Variants in TMC3 observed in about 807,000 individuals in gnomAD.
TMC3 encodes the protein transmembrane channel-like protein 3.
Under a neutral mutation model 110.6 loss-of-function variants are expected in TMC3, and 98 were observed. That is an observed-to-expected ratio of 0.89 (90% confidence interval 0.75 to 1.05). The LOEUF (loss-of-function observed/expected upper bound fraction) is 1.05, where lower values mean the gene tolerates loss of function less well. Ranked by LOEUF, TMC3 falls within the 50% of genes least tolerant of loss-of-function variation. TMC3 has a pLI of 0.00. For synonymous variants in TMC3, 489 were observed against 513.1 expected (o/e 0.95, Z 0.63); for missense variants, 1,319 against 1,373.2 (o/e 0.96, Z 0.62).
At position 81,343,004 on chromosome 15, in the gene TMC3, C is replaced by T. The variant is rs552639597; in HGVS notation, c.1715+274G>A. 7 of 362,670 alleles carry T rather than the reference C, an allele frequency of 1.9e-5. 1 individual carries two copies. In the South Asian group the frequency reaches 3.4e-4, roughly 18 times the overall value. The allele number at this position is 362,670 out of a possible 1,614,324, so 22.5% of individuals were successfully genotyped here. On this transcript the variant is annotated intron_variant, in intron 15 of 21. Coordinates refer to ENST00000359440, the MANE Select transcript of TMC3 (RefSeq NM_001080532.3). ...TCCTTCCAGCCTTCCCCAAGTCCTC[C>T]CTAAGAGTGTATTCTACTGGTTTCT...
At chr15:81,336,573 A>C in intron 20 of TMC3, 36 bp downstream of exon 20, 1 of 1,608,628 alleles carries the variant, frequency 6.2e-7, no homozygotes, top group African/African-American at 1.3e-5. Flanking sequence ...GCCTCAAAAC[A>C]AAAAAACAAC....
rs1893500795 is a variant in TMC3 at position 81,332,911 on chromosome 15, G to C, written c.2811C>G (p.Pro937=). 6.2e-7 allele frequency: 1 copy of C among 1,613,000 alleles called. No individual in the cohort carries two copies. The highest frequency in any genetic ancestry group is 1.3e-5 in the African/African-American group (1 of 74,924). Residue 937 remains proline (P), a synonymous_variant, in exon 22 of 22, where the codon CCC becomes CCG. Transcript: ENST00000359440. ...CCTCTTCTTCACTCAGCTGTGGGGA[G>C]GGAGGCTGGCGGGGGACCCGGGATG... ...QYASRVPRQP[P]SPQLSEEEEE... is the part of the protein sequence containing the mutation.
chr15:81,356,438 C>T lies in TMC3; in HGVS notation c.891+9G>A. ...CACCCCCGCAGGCTGCACAGGCTCACTCACTCACCCTGATGCTGTTCACTA... is the reference window on the plus strand; with the variant it reads ...CACCCCCGCAGGCTGCACAGGCTCATTCACTCACCCTGATGCTGTTCACTA... On this transcript the variant is annotated intron_variant, in intron 8 of 21. Coordinates refer to ENST00000359440, the MANE Select transcript of TMC3 (RefSeq NM_001080532.3). 1 of 1,562,268 alleles carries T rather than the reference C, an allele frequency of 6.4e-7. No homozygotes were observed. Among genetic ancestry groups the T allele is most frequent in the Non-Finnish European group, 8.7e-7 (1 of 1,153,320 alleles).
chr15:81,344,741 G>C lies in TMC3; in HGVS notation c.1518+25C>G, dbSNP rs771524671. ...TAAGTGATGAGATGGATATGACAGAGCTTTGTAAGGGTAAAGAGAACCACC... is the reference window on the plus strand; with the variant it reads ...TAAGTGATGAGATGGATATGACAGACCTTTGTAAGGGTAAAGAGAACCACC... On this transcript the variant is annotated intron_variant, in intron 13 of 21. Coordinates refer to ENST00000359440, the MANE Select transcript of TMC3 (RefSeq NM_001080532.3). 26 of 1,610,564 alleles carry C rather than the reference G, an allele frequency of 1.6e-5. No homozygotes were observed. In the Admixed American group the frequency reaches 4.0e-4, roughly 25 times the overall value.
At position 81,349,481 on chromosome 15, in the gene TMC3, G is replaced by T; in HGVS notation, c.1170C>A (p.Thr390=). Residue 390 remains threonine, a synonymous_variant, in exon 11 of 22, where the codon ACC becomes ACA. Transcript: ENST00000359440. ...ACCTTGCAAGCTGGAAGCGCAGCGT[G>T]GTCCTGGGGTGGTACATCTCTAAGG... The part of the protein sequence containing the change: ...IAALEMYHPR[T]TLRFQLARVL... The T allele has an allele frequency of 6.5e-7, 1 of 1,538,546 alleles. No individual in the cohort carries two copies. Among genetic ancestry groups the T allele is most frequent in the South Asian group, 1.3e-5 (1 of 79,956 alleles).
intron 9 of TMC3, among the ~76,000 whole-genome samples, chr15:81,353,478 A>G (rs1893995373): frequency 6.6e-6 from 1 of 152,194 alleles, no homozygotes; most frequent in Admixed American, 6.5e-5. Flanking sequence ...AATTCATGGT[A>G]AGTTCCCTAT....
At chr15:81,346,633 AG>A (rs1416807395) in intron 11 of TMC3, among the ~76,000 whole-genome samples, 190 bp from the exon 12 acceptor site, 1 of 152,204 alleles carries the variant, frequency 6.6e-6, no homozygotes, top group Non-Finnish European at 1.5e-5. Context: ...TAGGTCTGGA[AG>A]GGGTCTGGAA....
intron 10 of TMC3, 125 bp from the exon 11 acceptor site, chr15:81,349,692 A>C: frequency 2.1e-6 from 1 of 474,972 alleles, no homozygotes; most frequent in Non-Finnish European, 3.5e-6. Flanking sequence ...TGGATCCTCC[A>C]TGGAAAATCC....
chr15:81,345,742 G>A (rs1263588640), intron 12 of TMC3, among the ~76,000 whole-genome samples: 1 of 152,118 alleles, frequency 6.6e-6, no homozygotes, highest in African/African-American at 2.4e-5. Flanking sequence ...ATGCAGCGGT[G>A]GCACGCAGCT....
intron 10 of TMC3, among the ~76,000 whole-genome samples, chr15:81,351,165 A>C (rs1219676581): frequency 6.6e-6 from 1 of 152,092 alleles, no homozygotes; most frequent in African/African-American, 2.4e-5. Flanking sequence ...GGTGTTTTTG[A>C]ATCAAACTCT....
intron 7 of TMC3, among the ~76,000 whole-genome samples, chr15:81,357,647 T>A (rs953554909): frequency 4.6e-5 from 7 of 152,146 alleles, no homozygotes; most frequent in Non-Finnish European, 1.0e-4. Flanking sequence ...GACCTAGAGG[T>A]GCCAACTGCA....
chr15:81,333,795 C>G (rs1893528898), intron 21 of TMC3, among the ~76,000 whole-genome samples: 1 of 152,108 alleles, frequency 6.6e-6, no homozygotes, highest in African/African-American at 2.4e-5. Flanking sequence ...TTGAGACCAG[C>G]CTGGCCAACA....
chr15:81,369,071 C>T (rs1466051319), intron 2 of TMC3, among the ~76,000 whole-genome samples: 1 of 152,046 alleles, frequency 6.6e-6, no homozygotes, highest in South Asian at 2.1e-4. Context: ...TGCAGAGATG[C>T]TCATTATCTG....
At chr15:81,355,795 A>G (rs1253239025) in intron 8 of TMC3, 27 bp from the exon 9 acceptor site, 1 of 1,417,062 alleles carries the variant, frequency 7.1e-7, no homozygotes, top group Admixed American at 1.9e-5. Context: ...TACAGCAATA[A>G]AAGCTTAGCA....
intron 10 of TMC3, 106 bp downstream of exon 10, chr15:81,351,588 G>C: frequency 2.1e-6 from 3 of 1,404,918 alleles, no homozygotes; most frequent in Non-Finnish European, 2.9e-6. Context: ...CTGACCTCAA[G>C]TGATCCACCT....
chr15:81,362,375 A>G, intron 3 of TMC3, 74 bp from the exon 4 acceptor site: 1 of 1,153,670 alleles, frequency 8.7e-7, no homozygotes, highest in Middle Eastern at 1.9e-4. Flanking sequence ...CTAGGCACCT[A>G]AATGGAGTAT....
intron 3 of TMC3, among the ~76,000 whole-genome samples, chr15:81,366,107 T>G (rs1409886254): frequency 6.6e-6 from 1 of 152,228 alleles, no homozygotes. Context: ...TGTGTTTTCC[T>G]GTGAATGCAG....
chr15:81,356,678 T>C, intron 7 of TMC3, 84 bp from the exon 8 acceptor site: 3 of 1,435,612 alleles, frequency 2.1e-6, no homozygotes, highest in Non-Finnish European at 2.8e-6. Flanking sequence ...TTGTGTGAAT[T>C]AGCATAGGCT....
In TMC3 at chr15:81,344,768, G is replaced by A. The variant is rs1893788508; in HGVS notation, c.1516C>T (p.Gln506Ter). Residue 506 changes from glutamine (Q) to a stop codon, truncating the protein, a stop_gained and splice_region_variant, in exon 13 of 22, where the codon CAG becomes TAG. Coordinates refer to ENST00000359440, the MANE Select transcript of TMC3 (RefSeq NM_001080532.3). LOFTEE classifies it high-confidence loss of function. ...TTTGTAAGGGTAAAGAGAACCACCT[G>A]ACCAACGTATGTCTCCCAGCACTGG... is the stretch of plus-strand genomic sequence containing the variant. ...QDQCWETYVGQEMLKLSIIDM... is the reference protein window; with the variant it reads ...QDQCWETYVG 6.2e-7 allele frequency: 1 copy of A among 1,613,556 alleles called. No homozygotes were observed. Among genetic ancestry groups the A allele is most frequent in the South Asian group, 1.1e-5 (1 of 91,034 alleles).
Sources: allele counts gnomAD v4.1 joint callset (sites outside exome capture counted in the v4.1 genomes callset), GRCh38; gene constraint gnomAD v4.1.1; transcripts MANE v1.5; gene names NCBI Gene and HGNC (gene_info 2026-07-23, HGNC 2026-07-21).